Variants in DOCK8 observed in about 807,000 individuals in gnomAD.
DOCK8 encodes dedicator of cytokinesis 8, also known as dedicator of cytokinesis protein 8.
DOCK8 carries 141 observed loss-of-function variants against 245.6 expected under a neutral mutation model. The observed-to-expected ratio is 0.57, with a 90% CI of 0.50 to 0.66. The LOEUF is 0.66. DOCK8 is among the 30% of genes least tolerant of loss of function. The pLI, the probability that DOCK8 is intolerant of heterozygous loss-of-function variation, is 0.00. For synonymous variants in DOCK8, 1,168 were observed against 970.2 expected (o/e 1.20, Z -3.79); for missense variants, 2,965 against 2,603.4 (o/e 1.14, Z -3.02).
chr9:371,509 C>T lies in DOCK8; in HGVS notation c.1950C>T (p.Tyr650=). The T allele has an allele frequency of 1.2e-6, 2 of 1,614,200 alleles. No individual in the cohort carries two copies. Among genetic ancestry groups the T allele is most frequent in the South Asian group, 1.1e-5 (1 of 91,088 alleles). The part of the protein sequence containing the change: ...TVNHHLLFTF[Y]HISCQQKQGA... ...ATCACCACCTCCTGTTCACCTTCTA[C>T]CATATCAGCTGTCAGCAGAAGCAAG... Residue 650 remains tyrosine (Y), a synonymous_variant, in exon 17 of 48, where the codon TAC becomes TAT. Coordinates refer to ENST00000432829, the MANE Select transcript of DOCK8 (RefSeq NM_203447.4).
In DOCK8 at chr9:429,868, C is replaced by T; in HGVS notation, c.4626+14C>T. ...GGAGCCACCAGTGTAAGAGTTCAAA[C>T]CAGCTGAGTGACCTGGAATCAGTAG... On this transcript the variant is annotated intron_variant, in intron 36 of 47. Coordinates refer to ENST00000432829, the MANE Select transcript of DOCK8 (RefSeq NM_203447.4). The T allele has an allele frequency of 6.2e-7, 1 of 1,613,802 alleles. No homozygotes were observed.
At chr9:368,298 A>T in intron 15 of DOCK8, 163 bp downstream of exon 15, 1 of 769,622 alleles carries the variant, frequency 1.3e-6, no homozygotes. Flanking sequence ...GTGGGGAAAC[A>T]GGGTCAGTCT....
chr9:251,407 A>T (rs1351927761), intron 1 of DOCK8, among the ~76,000 whole-genome samples: 1 of 152,174 alleles, frequency 6.6e-6, no homozygotes, highest in Non-Finnish European at 1.5e-5. Flanking sequence ...GATTAATGAT[A>T]TTGGAGCCAG....
At chr9:421,708 G>C (rs1418010668) in intron 32 of DOCK8, among the ~76,000 whole-genome samples, 2 of 152,344 alleles carry the variant, frequency 1.3e-5, no homozygotes, top group East Asian at 3.9e-4. Flanking sequence ...GGAGCTCATA[G>C]TTTTCAGTGG....
chr9:449,892 G>A lies in DOCK8; in HGVS notation c.5926G>A (p.Val1976Met), dbSNP rs2057375343. The A allele has an allele frequency of 1.2e-6, 2 of 1,613,934 alleles. No homozygotes were observed. The highest frequency in any genetic ancestry group is 1.7e-6 in the Non-Finnish European group (2 of 1,180,032). ...GCCTGATGCAAAGATGCTTCAGATG[G>A]TGCTGCAAGGCTCTGTGGGAGCTAC... ...EPPDAKMLQM[V>M]LQGSVGATVN... Residue 1976 changes from valine (V) to methionine (M), a missense_variant, in exon 45 of 48, where the codon GTG (valine) becomes ATG (methionine). Val to Met is a conservative substitution (Grantham distance 21). This residue lies in a region of DOCK8 where 6 missense variants were observed against 21.8 expected (regional missense o/e 0.28). Transcript: ENST00000432829.
chr9:242,269 C>CA (rs1381572719), intron 1 of DOCK8, among the ~76,000 whole-genome samples: 1 of 152,120 alleles, frequency 6.6e-6, no homozygotes, highest in Non-Finnish European at 1.5e-5. Flanking sequence ...TGCTGTGCTC[C>CA]AACCCAAGCC....
chr9:331,399 C>T (rs1487282665), intron 9 of DOCK8, among the ~76,000 whole-genome samples: 1 of 152,208 alleles, frequency 6.6e-6, no homozygotes, highest in African/African-American at 2.4e-5. Context: ...CTCCCTGAAG[C>T]AGATATTCAT....
At chr9:432,121 T>G (rs1041679957) in intron 36 of DOCK8, 45 bp from the exon 37 acceptor site, 17 of 1,595,940 alleles carry the variant, frequency 1.1e-5, no homozygotes, top group Non-Finnish European at 1.5e-5. Flanking sequence ...TACTGCTAAG[T>G]GTGTCTTATT....
At chr9:390,243 G>A (rs2054129914) in intron 23 of DOCK8, among the ~76,000 whole-genome samples, 1 of 152,156 alleles carries the variant, frequency 6.6e-6, no homozygotes, top group African/African-American at 2.4e-5. Flanking sequence ...AGATGTGTCT[G>A]TCCTGTGCAG....
chr9:381,227 C>G (rs1425951183), intron 21 of DOCK8: 1 of 152,186 alleles, frequency 6.6e-6, no homozygotes. Flanking sequence ...CTCCTTGCCT[C>G]TTTTTATGCT....
chr9:463,055 T>C (rs1477617321), intron 46 of DOCK8, among the ~76,000 whole-genome samples: 1 of 152,220 alleles, frequency 6.6e-6, no homozygotes, highest in Non-Finnish European at 1.5e-5. Context: ...TTCTCAATTC[T>C]GGCTAGGTTG....
rs745583957 is a variant in DOCK8 at position 421,073 on chromosome 9, C to G, written c.4148C>G (p.Ala1383Gly). The change falls in exon 32 of 48, where the codon GCT becomes GGT. Residue 1383 changes from alanine (A) to glycine (G), a missense_variant. Ala to Gly is a moderately conservative substitution (Grantham distance 60, BLOSUM62 0). Transcript: ENST00000432829. ...GARGEMMRRR[A>G]PGNDRFPGLN... ...AGAGGGGAGATGATGCGCCGCCGGG[C>G]TCCAGGTGTGTTGGACTGGCCCTTC... 26 of 1,614,060 alleles carry G rather than the reference C, an allele frequency of 1.6e-5. No individual in the cohort carries two copies. Among genetic ancestry groups the G allele is most frequent in the Middle Eastern group, 3.4e-4 (2 of 5,954 alleles).
At chr9:353,151 A>G (rs1254283552) in intron 14 of DOCK8, among the ~76,000 whole-genome samples, 1 of 152,202 alleles carries the variant, frequency 6.6e-6, no homozygotes, top group African/African-American at 2.4e-5. Flanking sequence ...GATCTATGCA[A>G]TGACATGTAA....
chr9:340,906 C>T (rs2051556568), intron 14 of DOCK8, among the ~76,000 whole-genome samples: 1 of 152,052 alleles, frequency 6.6e-6, no homozygotes, highest in African/African-American at 2.4e-5. Context: ...ATCTGCTAGC[C>T]ATTACCTTTG....
intron 1 of DOCK8, among the ~76,000 whole-genome samples, chr9:239,730 G>C (rs1050630309): frequency 6.6e-6 from 1 of 152,084 alleles, no homozygotes; most frequent in Non-Finnish European, 1.5e-5. Flanking sequence ...CATTTTAACA[G>C]CTTGATTGAT....
intron 10 of DOCK8, among the ~76,000 whole-genome samples, chr9:333,494 A>G (rs1007584583): frequency 5.9e-5 from 9 of 152,114 alleles, no homozygotes; most frequent in South Asian, 4.2e-4. Context: ...CCAGCTTCTC[A>G]GGAGGCTGAG....
intron 1 of DOCK8, chr9:215,641 A>G (rs1454891019): frequency 2.2e-6 from 1 of 451,186 alleles, no homozygotes; most frequent in Non-Finnish European, 3.8e-6. Flanking sequence ...AAATAAACCA[A>G]AAGAAATGGC....
At chr9:426,786 A>G (rs1047835148) in intron 33 of DOCK8, 99 bp from the exon 34 acceptor site, 7 of 917,572 alleles carry the variant, frequency 7.6e-6, no homozygotes, top group South Asian at 2.7e-5. Flanking sequence ...AAGGTTGACT[A>G]TTTTGGAGAT....
intron 25 of DOCK8, among the ~76,000 whole-genome samples, chr9:398,214 AT>A (rs2054553102): frequency 6.6e-6 from 1 of 152,100 alleles, no homozygotes; most frequent in Non-Finnish European, 1.5e-5. Context: ...AAGACTGGAG[AT>A]TTTAGACCCA....
Sources: allele counts gnomAD v4.1 joint callset (sites outside exome capture counted in the v4.1 genomes callset), GRCh38; gene constraint gnomAD v4.1.1; regional missense constraint gnomAD v4.1.1; transcripts MANE v1.5; gene names NCBI Gene and HGNC (gene_info 2026-07-23, HGNC 2026-07-21).